RGS7: variants seen among roughly 807,000 people sequenced by gnomAD.
The protein encoded by RGS7 is regulator of G protein signaling 7, also known as regulator of G-protein signaling 7.
Under a neutral mutation model 81.1 loss-of-function variants are expected in RGS7, and 27 were observed. The observed-to-expected ratio is 0.33, with a 90% CI of 0.25 to 0.46. The LOEUF (loss-of-function observed/expected upper bound fraction) is 0.46. Among genes scored for constraint, RGS7 ranks in the 20% least tolerant of loss-of-function variants. RGS7 has a pLI of 1.00. For synonymous variants in RGS7, 208 were observed against 207.7 expected, an observed-to-expected ratio of 1.00 and a Z score of -0.01; for missense variants, 396 against 607.4, an observed-to-expected ratio of 0.65 and a Z score of 3.66.
chr1:241,134,472 T>C (rs2067347628), intron 2 of RGS7, among the ~76,000 whole-genome samples: 1 of 152,230 alleles, frequency 6.6e-6, no homozygotes, highest in South Asian at 2.1e-4. Flanking sequence ...TATTGTATAC[T>C]ACAAAGATGT....
At chr1:241,051,584 C>T (rs2061255217) in intron 3 of RGS7, among the ~76,000 whole-genome samples, 1 of 151,934 alleles carries the variant, frequency 6.6e-6, no homozygotes, top group Non-Finnish European at 1.5e-5. Context: ...CATCACTCCT[C>T]TTCTCCTCTG....
At chr1:241,180,759 T>C (rs2071550661) in intron 2 of RGS7, among the ~76,000 whole-genome samples, 1 of 152,240 alleles carries the variant, frequency 6.6e-6, no homozygotes, top group South Asian at 2.1e-4. Flanking sequence ...GTGAATTTGA[T>C]GTGTGTCCTT....
chr1:240,945,788 C>T (rs1320470955), intron 4 of RGS7, among the ~76,000 whole-genome samples: 1 of 152,094 alleles, frequency 6.6e-6, no homozygotes, highest in African/African-American at 2.4e-5. Context: ...ATCTTTACAG[C>T]AAAGTATCAT....
chr1:241,088,647 C>T lies in RGS7; in HGVS notation c.175+10019G>A, dbSNP rs556817360. Among the ~76,000 whole-genome samples the T allele has an allele frequency of 6.1e-4, 93 of 152,126 alleles. 2 individuals are homozygous for T. Among genetic ancestry groups the T allele is most frequent in the African/African-American group, 2.2e-3 (90 of 41,494 alleles). ...ACAAATATAAAAACTAAACTTCCAC[C>T]GTAATACTAATACCTTCAGCATATC... On this transcript the variant is annotated intron_variant, in intron 3 of 18. Coordinates refer to ENST00000440928, the MANE Select transcript of RGS7 (RefSeq NM_001364886.1).
chr1:241,127,689 T>C (rs1359525600), intron 2 of RGS7, among the ~76,000 whole-genome samples: 1 of 151,956 alleles, frequency 6.6e-6, no homozygotes, highest in Admixed American at 6.5e-5. Context: ...ACTTAAAGTA[T>C]AATAATAATA....
intron 2 of RGS7, among the ~76,000 whole-genome samples, chr1:241,329,620 T>C (rs751069452): frequency 9.2e-5 from 14 of 152,220 alleles, no homozygotes; most frequent in Non-Finnish European, 1.6e-4. Flanking sequence ...CCCTTTAATG[T>C]TATTCCATAA....
rs151138352 is a variant in RGS7, at chr1:241,332,043, G to A, written c.78+23656C>T. Among the ~76,000 whole-genome samples, 224 of 152,206 alleles carry A rather than the reference G, an allele frequency of 1.5e-3. No individual in the cohort carries two copies. In the Middle Eastern group the frequency reaches 0.017, roughly 12 times the overall value. ...TTTCCTTTCCAGCCACTGCCCCCTC[G>A]ACCTCTGTTACAGTCTTTACATTTT... is the stretch of plus-strand genomic sequence containing the variant. On this transcript the variant is annotated intron_variant, in intron 2 of 18. Transcript: ENST00000440928.
intron 9 of RGS7, among the ~76,000 whole-genome samples, chr1:240,829,433 A>C (rs1693421457): frequency 6.6e-6 from 1 of 152,102 alleles, no homozygotes; most frequent in Non-Finnish European, 1.5e-5. Context: ...TTGTTTTTTA[A>C]AAAGACCCCC....
intron 6 of RGS7, among the ~76,000 whole-genome samples, chr1:240,923,003 T>C (rs56310151): frequency 0.026 from 4,021 of 152,154 alleles, 174 homozygotes; most frequent in African/African-American, 0.087. Context: ...ATTCATAAAA[T>C]GGAATATTCA....
At chr1:241,273,165 A>G (rs981046096) in intron 2 of RGS7, among the ~76,000 whole-genome samples, 1 of 97,362 alleles carries the variant, frequency 1.0e-5, no homozygotes, top group African/African-American at 3.5e-5. Flanking sequence ...ACTAAAGTAA[A>G]TAATAATGAA....
chr1:240,791,569 T>C (rs368670745), intron 18 of RGS7, among the ~76,000 whole-genome samples: 50 of 152,308 alleles, frequency 3.3e-4, no homozygotes, highest in African/African-American at 1.1e-3. Context: ...GTCATCAGTA[T>C]AAAAATGGCT....
Position 241,163,130 on chromosome 1 carries a change from T to C in RGS7, c.79-64368A>G, listed in dbSNP as rs111392436. ...CAGGAAGGCATAACCATTTGCGGCT[T>C]AACACAGCCAAAAGGTCAGAAAGGG... On this transcript the variant is annotated intron_variant, in intron 2 of 18. Transcript: ENST00000440928. This position sits in a 1 kb window ranked among gnomAD's most constrained non-coding sequence, Gnocchi z 4.6. Among the ~76,000 whole-genome samples the C allele has an allele frequency of 2.9e-3, 438 of 152,248 alleles. 4 individuals are homozygous for C. The highest frequency in any genetic ancestry group is 9.7e-3 in the African/African-American group (405 of 41,548).
At chr1:240,793,834 G>A (rs907052104) in intron 18 of RGS7, among the ~76,000 whole-genome samples, 4 of 151,436 alleles carry the variant, frequency 2.6e-5, no homozygotes, top group Non-Finnish European at 2.9e-5. Flanking sequence ...GGATGGTCTC[G>A]ATCTCCTGAC....
At chr1:240,820,486 T>C (rs1296748768) in intron 10 of RGS7, among the ~76,000 whole-genome samples, 1 of 151,994 alleles carries the variant, frequency 6.6e-6, no homozygotes, top group Non-Finnish European at 1.5e-5. Context: ...GGGTGGGGGT[T>C]TGCTATGGTC....
intron 6 of RGS7, among the ~76,000 whole-genome samples, chr1:240,871,844 C>T (rs2995379): frequency 0.35 from 52,586 of 151,964 alleles, 9,713 homozygotes; most frequent in African/African-American, 0.47. Flanking sequence ...GTGGAATTAC[C>T]TCTGATGAAA....
At chr1:241,042,186 T>C (rs1433269202) in intron 3 of RGS7, among the ~76,000 whole-genome samples, 1 of 152,218 alleles carries the variant, frequency 6.6e-6, no homozygotes, top group Non-Finnish European at 1.5e-5. Flanking sequence ...ATGTATCATC[T>C]CTTAACTACA....
rs781017764 is a variant in RGS7 at position 240,814,714 on chromosome 1, A to G, written c.845+2T>C. 1.3e-6 allele frequency: 2 copies of G among 1,568,416 alleles called. No homozygotes were observed. Among genetic ancestry groups the G allele is most frequent in the Admixed American group, 3.3e-5 (2 of 59,930 alleles). On this transcript the variant is annotated splice_donor_variant, in intron 12 of 18. Coordinates refer to ENST00000440928, the MANE Select transcript of RGS7 (RefSeq NM_001364886.1). LOFTEE classifies it high-confidence loss of function. The stretch of plus-strand genomic sequence containing the variant: ...TTTATACAGACACTTTGAAATACTC[A>G]CCTGTCAGCGACTTTTGACATTTTT...
At chr1:241,350,763 A>G (rs2083195470) in intron 2 of RGS7, among the ~76,000 whole-genome samples, 1 of 108,186 alleles carries the variant, frequency 9.2e-6, no homozygotes, top group Admixed American at 1.0e-4. Context: ...AAAAAAAAAA[A>G]AAAAGCCAAA....
At chr1:241,090,773 T>TGAAAAAAC (rs2063821851) in intron 3 of RGS7, among the ~76,000 whole-genome samples, 1 of 152,100 alleles carries the variant, frequency 6.6e-6, no homozygotes, top group South Asian at 2.1e-4. Context: ...CTATAGTGGG[T>TGAAAAAAC]TACTCAGGAT....
Sources: gnomAD v4.1 joint callset for allele counts (sites outside exome capture counted in the v4.1 genomes callset) on GRCh38, gnomAD v4.1.1 for gene constraint, Gnocchi (gnomAD v3.1) non-coding constraint, MANE v1.5 for transcripts, NCBI Gene and HGNC (gene_info 2026-07-23, HGNC 2026-07-21) for gene names.